The following DNAAF11 variants were observed in gnomAD, a reference collection of about 807,000 sequenced individuals.
The protein encoded by DNAAF11 is leucine rich repeat containing 6.
A neutral mutation model predicts 60.8 loss-of-function variants in DNAAF11; 45 were observed. That is an observed-to-expected ratio of 0.74 (90% CI 0.58 to 0.95). The LOEUF (loss-of-function observed/expected upper bound fraction) is 0.95. Among genes scored for constraint, DNAAF11 ranks in the 40% least tolerant of loss-of-function variants. The pLI, the probability that DNAAF11 is intolerant of heterozygous loss-of-function variation, is 0.00. For synonymous variants in DNAAF11, 191 were observed against 183.5 expected (o/e 1.04, Z -0.33); for missense variants, 546 against 546.2 (o/e 1.00, Z 0.00).
intron 11 of DNAAF11, among the ~76,000 whole-genome samples, chr8:132,581,550 T>A (rs1451289259): frequency 6.6e-6 from 1 of 151,138 alleles, no homozygotes; most frequent in African/African-American, 2.4e-5. Context: ...CTCGGGAGGC[T>A]GAGGCTGGAG....
At chr8:132,636,887 C>T (rs1368592281) in intron 4 of DNAAF11, among the ~76,000 whole-genome samples, 1 of 152,182 alleles carries the variant, frequency 6.6e-6, no homozygotes, top group African/African-American at 2.4e-5. Flanking sequence ...TCAGCAGTCT[C>T]TTGACTGCAG....
intron 11 of DNAAF11, among the ~76,000 whole-genome samples, chr8:132,577,061 T>C (rs979246697): frequency 2.0e-5 from 3 of 152,202 alleles, no homozygotes; most frequent in Non-Finnish European, 4.4e-5. Context: ...ATTAACTGAA[T>C]GCACCGTGGA....
At chr8:132,572,765 G>A (rs535786536) in intron 11 of DNAAF11, among the ~76,000 whole-genome samples, 71 of 151,712 alleles carry the variant, frequency 4.7e-4, no homozygotes, top group Non-Finnish European at 7.2e-4. Flanking sequence ...ACTCTACCTC[G>A]TTAAGAATTT....
upstream of DNAAF11, among the ~76,000 whole-genome samples, chr8:132,677,196 A>G (rs939330342): frequency 6.6e-6 from 1 of 152,208 alleles, no homozygotes; most frequent in Non-Finnish European, 1.5e-5. Context: ...GCAGCAGGCA[A>G]GTTTAGCAAA....
chr8:132,685,214 G>T, the DNAAF11 span: 1 of 152,124 alleles, frequency 6.6e-6, no homozygotes. Flanking sequence ...AGAACACCTG[G>T]GTCCAGCTCA....
intron 1 of DNAAF11, 51 bp from the exon 2 acceptor site, chr8:132,661,678 A>G (rs754294600): frequency 1.3e-6 from 2 of 1,554,766 alleles, no homozygotes; most frequent in Non-Finnish European, 1.8e-6. Context: ...TGTTCAATAT[A>G]AGATTATTGT....
intron 6 of DNAAF11, among the ~76,000 whole-genome samples, chr8:132,624,672 A>C (rs1422381291): frequency 9.2e-5 from 14 of 152,260 alleles, no homozygotes; most frequent in Non-Finnish European, 1.6e-4. Context: ...TATTCCCATA[A>C]GTTATATATT....
chr8:132,600,221 T>G (rs1283167604), intron 10 of DNAAF11, among the ~76,000 whole-genome samples: 1 of 152,144 alleles, frequency 6.6e-6, no homozygotes, highest in Non-Finnish European at 1.5e-5. Context: ...ACAAGGGATG[T>G]GAAGGACCTC....
At chr8:132,578,473 G>C (rs914543735) in intron 11 of DNAAF11, 7 of 1,534,356 alleles carry the variant, frequency 4.6e-6, no homozygotes, top group African/African-American at 4.1e-5. Flanking sequence ...TCTTACCCAC[G>C]ACCTGACTGT....
rs112218979 is a variant in DNAAF11, at chr8:132,574,907, C to T, written c.1227-2427G>A. ...TATTAACATCACCCATACTGTTCCT[C>T]ATAGAAAATTAGGTACCAAACACAC... On this transcript the variant is annotated intron_variant, in intron 11 of 11. Transcript: ENST00000620350. Among the ~76,000 whole-genome samples the T allele has an allele frequency of 4.9e-3, 742 of 152,286 alleles. 12 individuals are homozygous for T. Among genetic ancestry groups the T allele is most frequent in the African/African-American group, 0.017 (714 of 41,554 alleles).
At chr8:132,596,175 C>T (rs1241465613) in intron 10 of DNAAF11, among the ~76,000 whole-genome samples, 1 of 152,072 alleles carries the variant, frequency 6.6e-6, no homozygotes, top group East Asian at 1.9e-4. Context: ...ATTCATGTGG[C>T]CCGTCAATTG....
At chr8:132,682,387 G>A in the DNAAF11 span, among the ~76,000 whole-genome samples, 1 of 152,100 alleles carries the variant, frequency 6.6e-6, no homozygotes, top group Non-Finnish European at 1.5e-5. Flanking sequence ...ATGCTGTCTT[G>A]GACTCTCTGA....
intron 3 of DNAAF11, among the ~76,000 whole-genome samples, chr8:132,641,262 T>G (rs558888179): frequency 4.9e-4 from 75 of 152,216 alleles, no homozygotes; most frequent in Non-Finnish European, 1.0e-3. Flanking sequence ...AGAAACCTGG[T>G]AGACATTGTC....
upstream of DNAAF11, among the ~76,000 whole-genome samples, chr8:132,677,402 A>G (rs899229303): frequency 2.0e-5 from 3 of 152,140 alleles, no homozygotes; most frequent in Admixed American, 2.0e-4. Flanking sequence ...AGCCTAGGTG[A>G]CACAAAGAAA....
intron 10 of DNAAF11, among the ~76,000 whole-genome samples, chr8:132,588,726 A>C (rs904476829): frequency 6.6e-6 from 1 of 152,174 alleles, no homozygotes. Context: ...GAGACTGGGT[A>C]ATTTATAAAT....
intron 1 of DNAAF11, among the ~76,000 whole-genome samples, chr8:132,664,206 C>G (rs918231265): frequency 6.6e-6 from 1 of 152,202 alleles, no homozygotes; most frequent in African/African-American, 2.4e-5. Flanking sequence ...AATTTGAACT[C>G]CAAAGGAGAT....
intron 7 of DNAAF11, among the ~76,000 whole-genome samples, chr8:132,622,319 A>G (rs1424219043): frequency 3.3e-5 from 5 of 152,166 alleles, no homozygotes; most frequent in African/African-American, 1.2e-4. Context: ...TGTGATGGCA[A>G]TTTTCAGGCA....
chr8:132,599,321 T>A (rs1251704450), intron 10 of DNAAF11, among the ~76,000 whole-genome samples: 1 of 152,168 alleles, frequency 6.6e-6, no homozygotes, highest in Non-Finnish European at 1.5e-5. Flanking sequence ...CCAGAAAGAT[T>A]CACAGCCAAA....
At chr8:132,583,800 A>G (rs1232722573) in intron 10 of DNAAF11, 21 bp from the exon 11 acceptor site, 3 of 1,542,860 alleles carry the variant, frequency 1.9e-6, no homozygotes, top group Non-Finnish European at 2.7e-6. Flanking sequence ...AATGAAACAC[A>G]CACCAAGTGG....
Sources: gnomAD v4.1 joint callset for allele counts (sites outside exome capture counted in the v4.1 genomes callset) on GRCh38, gnomAD v4.1.1 for gene constraint, MANE v1.5 for transcripts, NCBI Gene and HGNC (gene_info 2026-07-23, HGNC 2026-07-21) for gene names.